Variants in SPECC1 observed in about 807,000 individuals in gnomAD.
SPECC1 encodes the protein sperm antigen with calponin homology and coiled-coil domains 1.
Under a neutral mutation model 104.1 loss-of-function variants are expected in SPECC1, and 62 were observed. The ratio of observed to expected loss-of-function variants is 0.60; its 90% CI spans 0.49 to 0.74. SPECC1 has a LOEUF of 0.74. Among genes scored for constraint, SPECC1 ranks in the 30% least tolerant of loss-of-function variants. The pLI is 0.00. For missense variants in SPECC1, 1,306 were observed against 1,310.5 expected (o/e 1.00, Z 0.05); for synonymous variants, 513 against 501.6 (o/e 1.02, Z -0.30).
intron 1 of SPECC1, chr17:20,056,520 G>T: frequency 4.6e-6 from 1 of 216,320 alleles, no homozygotes. Flanking sequence ...AAGGGATTAG[G>T]AAGCCTAAAA....
intron 3 of SPECC1, among the ~76,000 whole-genome samples, chr17:20,194,023 C>G (rs1033695394): frequency 6.6e-6 from 1 of 152,094 alleles, no homozygotes; most frequent in African/African-American, 2.4e-5. Context: ...ACATATTTCT[C>G]TCTCCAGTTT....
At chr17:20,287,646 C>T (rs1424158462) in intron 12 of SPECC1, among the ~76,000 whole-genome samples, 2 of 152,100 alleles carry the variant, frequency 1.3e-5, no homozygotes, top group Non-Finnish European at 1.5e-5. Context: ...GAAAGGAAGC[C>T]ACTTTTGTTG....
At chr17:20,306,684 G>A (rs1170987263) in intron 14 of SPECC1, among the ~76,000 whole-genome samples, 1 of 152,226 alleles carries the variant, frequency 6.6e-6, no homozygotes, top group African/African-American at 2.4e-5. Context: ...AGGAGAGAGA[G>A]AAAAGAGAGA....
chr17:20,272,237 T>G (rs1222537421), intron 12 of SPECC1, among the ~76,000 whole-genome samples: 1 of 152,212 alleles, frequency 6.6e-6, no homozygotes, highest in East Asian at 1.9e-4. Flanking sequence ...AATTATCATA[T>G]TCTTTTTTTC....
intron 2 of SPECC1, 105 bp downstream of exon 2, chr17:20,096,903 G>C: frequency 7.0e-7 from 1 of 1,429,160 alleles, no homozygotes; most frequent in South Asian, 1.3e-5. Flanking sequence ...GGCAGGGAAG[G>C]AGGCTCCCAA....
intron 3 of SPECC1, among the ~76,000 whole-genome samples, chr17:20,121,620 C>T (rs1008416082): frequency 2.0e-5 from 3 of 152,190 alleles, no homozygotes; most frequent in Non-Finnish European, 4.4e-5. Flanking sequence ...TGAGCCACTG[C>T]GCCTGGCCTG....
At chr17:20,178,918 CTAGGCAGGAAGA>C (rs770625134) in intron 3 of SPECC1, among the ~76,000 whole-genome samples, 10 of 152,194 alleles carry the variant, frequency 6.6e-5, no homozygotes, top group Admixed American at 3.3e-4. Context: ...CTGTCAACTT[CTAGGCAGGAAGA>C]TAGGTCTGTT....
rs141051398 is a variant in SPECC1, at chr17:20,317,785, G to A, written c.*3720G>A. 326 of 224,124 alleles carry A rather than the reference G, an allele frequency of 1.5e-3. 4 individuals carry two copies. Among genetic ancestry groups the A allele is most frequent in the East Asian group, 0.011 (166 of 15,468 alleles). The allele number at this position is 224,124 out of a possible 1,614,324, so 13.9% of individuals were successfully genotyped here. ...TTTGGGGAAGGGAAGGTTCTGCTGG[G>A]GTCCTGGAACTGTGACTGATGGCCT... On this transcript the variant is annotated 3_prime_UTR_variant, in exon 15 of 15. Transcript: ENST00000395527.
chr17:20,184,121 C>G (rs954721569), intron 3 of SPECC1, among the ~76,000 whole-genome samples: 33 of 142,118 alleles, frequency 2.3e-4, no homozygotes, highest in African/African-American at 8.8e-4. Flanking sequence ...ATGGAGGTTG[C>G]AGTGAGCTGA....
intron 7 of SPECC1, among the ~76,000 whole-genome samples, chr17:20,236,339 A>G (rs2038909559): frequency 6.6e-6 from 1 of 151,966 alleles, no homozygotes; most frequent in Non-Finnish European, 1.5e-5. Flanking sequence ...TCTTTTTTTC[A>G]TAGTTTAAAT....
At chr17:20,235,121 G>A (rs2038831873) in intron 7 of SPECC1, among the ~76,000 whole-genome samples, 1 of 152,194 alleles carries the variant, frequency 6.6e-6, no homozygotes, top group African/African-American at 2.4e-5. Context: ...TTTAAGCTCT[G>A]CTGTTCTCTG....
intron 1 of SPECC1, among the ~76,000 whole-genome samples, chr17:20,048,359 T>C (rs2045618860): frequency 6.6e-6 from 1 of 152,064 alleles, no homozygotes; most frequent in South Asian, 2.1e-4. Flanking sequence ...GGTCTCAATC[T>C]CCTGACCTCG....
In SPECC1 at chr17:20,231,762, T is replaced by C. The variant is rs144677564; in HGVS notation, c.2076T>C (p.Ser692=). The change falls in exon 6 of 15, where the codon AGT becomes AGC. Residue 692 remains serine, a synonymous_variant. Coordinates refer to ENST00000395527, the MANE Select transcript of SPECC1 (RefSeq NM_001243439.2). Reference sequence around the variant, plus strand: ...GTCTGAATTATTTATTTCTAGGTAGTGTGATCAAGCTGGAGGAACAGAAGT... The same window carrying C: ...GTCTGAATTATTTATTTCTAGGTAGCGTGATCAAGCTGGAGGAACAGAAGT... ...NNQLISELES[S]VIKLEEQKSD... 7.4e-6 allele frequency: 12 copies of C among 1,613,876 alleles called. 1 individual carries two copies. The highest frequency in any genetic ancestry group is 1.0e-5 in the Non-Finnish European group (12 of 1,179,940).
At chr17:20,186,182 A>G (rs2035261617) in intron 3 of SPECC1, among the ~76,000 whole-genome samples, 1 of 152,180 alleles carries the variant, frequency 6.6e-6, no homozygotes, top group African/African-American at 2.4e-5. Context: ...AACTACAGAC[A>G]CATCTTGGTG....
intron 3 of SPECC1, among the ~76,000 whole-genome samples, chr17:20,147,994 A>G (rs540449075): frequency 6.3e-4 from 96 of 152,136 alleles, no homozygotes; most frequent in Non-Finnish European, 4.4e-4. Context: ...GTGAGCTATA[A>G]TTGGGCCACT....
chr17:20,154,781 C>T lies in SPECC1; in HGVS notation c.283+44219C>T, dbSNP rs573904928. On this transcript the variant is annotated intron_variant, in intron 3 of 14. Transcript: ENST00000395527. ...TTGCAGTAATCCTGGCAGGAGATGA[C>T]AGCGGCTTGGATCGGGGGTAGCAGT... 3.3e-5 allele frequency among the ~76,000 whole-genome samples: 5 copies of T among 152,262 alleles called. No homozygotes were observed. The East Asian group carries it at 9.6e-4, about 29-fold the overall frequency.
chr17:20,154,064 GTACTA>G (rs1327992180), intron 3 of SPECC1, among the ~76,000 whole-genome samples: 1 of 152,200 alleles, frequency 6.6e-6, no homozygotes, highest in African/African-American at 2.4e-5. Context: ...CCAACTCATG[GTACTA>G]TACTACCACT....
intron 1 of SPECC1, among the ~76,000 whole-genome samples, chr17:20,081,976 C>T (rs2046992747): frequency 1.3e-5 from 2 of 152,226 alleles, no homozygotes; most frequent in Admixed American, 6.5e-5. Context: ...CTCCTTCCAT[C>T]ACAGATGATA....
Position 20,205,042 on chromosome 17 carries a change from T to C in SPECC1, c.993T>C (p.Phe331=), listed in dbSNP as rs199896451. ...KASLSPDASD[F]EHITAETPSR... is the part of the protein sequence containing the mutation. ...CTTTGTCGCCAGATGCTTCCGACTT[T>C]GAGCACATTACAGCAGAGACACCCT... Residue 331 remains phenylalanine, a synonymous_variant, in exon 4 of 15, where the codon TTT becomes TTC. Transcript: ENST00000395527. 1 of 1,614,032 alleles carries C rather than the reference T, an allele frequency of 6.2e-7. No homozygotes were observed. The highest frequency in any genetic ancestry group is 1.7e-5 in the Admixed American group (1 of 60,002).
Sources: allele counts gnomAD v4.1 joint callset (sites outside exome capture counted in the v4.1 genomes callset), GRCh38; gene constraint gnomAD v4.1.1; transcripts MANE v1.5; gene names NCBI Gene and HGNC (gene_info 2026-07-23, HGNC 2026-07-21).